SYNE1: variants seen among roughly 807,000 people sequenced by gnomAD.
The protein encoded by SYNE1 is nesprin-1.
SYNE1 carries 616 observed loss-of-function variants against 1,111.0 expected under a neutral mutation model. The ratio of observed to expected loss-of-function variants is 0.55; its 90% CI spans 0.52 to 0.59. The LOEUF (loss-of-function observed/expected upper bound fraction) is 0.59, where lower values mean the gene tolerates loss of function less well. Among genes scored for constraint, SYNE1 ranks in the 20% least tolerant of loss-of-function variants. The pLI is 0.00. For missense variants in SYNE1, 10,006 were observed against 10,417.0 expected (o/e 0.96, Z 1.72); for synonymous variants, 3,855 against 3,825.8 (o/e 1.01, Z -0.28).
chr6:152,482,269 G>A (rs1477207281), intron 14 of SYNE1, among the ~76,000 whole-genome samples: 1 of 152,144 alleles, frequency 6.6e-6, no homozygotes, highest in Non-Finnish European at 1.5e-5. Context: ...AAAATCTGTT[G>A]TAAATTTGCT....
chr6:152,455,441 G>C lies in SYNE1; in HGVS notation c.2877C>G (p.Leu959=), dbSNP rs150845131. ...GLEEKGDPEE[L]LRRHTEFFSQ... ...GTGGACTCACAGTGTGTCTCCGCAG[G>C]AGCTCCTCTGGATCCCCCTTTTCCT... Residue 959 remains leucine, a synonymous_variant, in exon 24 of 146, where the codon CTC becomes CTG. Transcript: ENST00000367255. 4.3e-6 allele frequency: 7 copies of C among 1,613,846 alleles called. No homozygotes were observed. The South Asian group carries it at 7.7e-5, about 18-fold the overall frequency.
chr6:152,388,799 T>C (rs2097562052), intron 53 of SYNE1, among the ~76,000 whole-genome samples: 1 of 152,258 alleles, frequency 6.6e-6, no homozygotes, highest in South Asian at 2.1e-4. Flanking sequence ...GCTGAAATAG[T>C]GGAGTCAAGG....
Position 152,511,020 on chromosome 6 carries a change from T to C in SYNE1, c.393A>G (p.Leu131=), listed in dbSNP as rs139291592. 4.3e-6 allele frequency: 7 copies of C among 1,613,770 alleles called. No individual in the cohort carries two copies. Among genetic ancestry groups the C allele is most frequent in the Middle Eastern group, 1.6e-4 (1 of 6,080 alleles). ...IVLGLMWTII[L]YFQIEELTSN... Reference sequence around the variant, plus strand: ...AACTGTAGCACAATACCTGGAAATATAGAATAATGGTCCACATCAATCCAA... The same window carrying C: ...AACTGTAGCACAATACCTGGAAATACAGAATAATGGTCCACATCAATCCAA... Residue 131 remains leucine, a synonymous_variant, in exon 7 of 146, where the codon CTA becomes CTG. Coordinates refer to ENST00000367255, the MANE Select transcript of SYNE1 (RefSeq NM_182961.4).
At chr6:152,209,492 T>C (rs1048446308) in intron 124 of SYNE1, among the ~76,000 whole-genome samples, 1 of 152,120 alleles carries the variant, frequency 6.6e-6, no homozygotes, top group Non-Finnish European at 1.5e-5. Context: ...ACTCACGTCT[T>C]TAATCCCAGC....
At chr6:152,366,117 G>A (rs918478730) in intron 62 of SYNE1, among the ~76,000 whole-genome samples, 2 of 152,162 alleles carry the variant, frequency 1.3e-5, no homozygotes, top group African/African-American at 4.8e-5. Context: ...CAGGTCACCT[G>A]AGGTCGGGAG....
At position 152,206,288 on chromosome 6, in the gene SYNE1, G is replaced by C. The variant is rs2076494804; in HGVS notation, c.22899C>G (p.Leu7633=). The C allele has an allele frequency of 6.2e-7, 1 of 1,613,930 alleles. No homozygotes were observed. Among genetic ancestry groups the C allele is most frequent in the Admixed American group, 1.7e-5 (1 of 60,012 alleles). Residue 7633 remains leucine (L), a synonymous_variant, in exon 126 of 146, where the codon CTC becomes CTG. Transcript: ENST00000367255. ...LTVEAGKQLL[L]SADSGAEAAL... is the part of the protein sequence containing the mutation. ...CGGCCTCAGCGCCACTGTCCGCCGA[G>C]AGAAGGAGTTGCTTGCCAGCCTCCA...
rs866842047 is a variant in SYNE1, at chr6:152,189,392, C to A, written c.23161G>T (p.Val7721Phe). 8.1e-6 allele frequency: 13 copies of A among 1,613,986 alleles called. No individual in the cohort carries two copies. The African/African-American group carries it at 1.7e-4, about 22-fold the overall frequency. The stretch of plus-strand genomic sequence containing the variant: ...GTCAAGTCATCTGTCCAGCTCCCAA[C>A]TGCATTTTCTAATTCCTAAATAAAA... ...QMRCKELENA[V>F]GSWTDDLTQL... The change falls in exon 128 of 146, where the codon GTT (valine) becomes TTT (phenylalanine). Residue 7721 changes from valine (V) to phenylalanine (F), a missense_variant. Physicochemically the swap from Val to Phe is conservative, Grantham distance 50 (BLOSUM62 -1). Coordinates refer to ENST00000367255, the MANE Select transcript of SYNE1 (RefSeq NM_182961.4).
intron 113 of SYNE1, 72 bp from the exon 114 acceptor site, chr6:152,231,639 TA>T: frequency 2.1e-6 from 3 of 1,453,936 alleles, no homozygotes; most frequent in Non-Finnish European, 1.9e-6. Context: ...TGGAAAGCCT[TA>T]AGTAACCTTA....
In SYNE1 at chr6:152,453,710, C is replaced by T. The variant is rs976394822; in HGVS notation, c.2903G>A (p.Ser968Asn). 3.1e-6 allele frequency: 5 copies of T among 1,614,178 alleles called. No homozygotes were observed. The highest frequency in any genetic ancestry group is 4.2e-6 in the Non-Finnish European group (5 of 1,180,044). Residue 968 changes from serine to asparagine, a missense_variant, in exon 25 of 146, where the codon AGT becomes AAT. By Grantham distance (46) the Ser-to-Asn change is conservative. Coordinates refer to ENST00000367255, the MANE Select transcript of SYNE1 (RefSeq NM_182961.4). ...ELLRRHTEFFSQLDQRVLNAF... is the reference protein window; with the variant it reads ...ELLRRHTEFFNQLDQRVLNAF... ...ATTGAGCACCCTCTGATCCAGCTGACTGAAAAACTCCTGACATGGAAGGGG... is the reference window on the plus strand; with the variant it reads ...ATTGAGCACCCTCTGATCCAGCTGATTGAAAAACTCCTGACATGGAAGGGG...
At chr6:152,157,039 C>G (rs1224896876) in intron 131 of SYNE1, among the ~76,000 whole-genome samples, 1 of 152,150 alleles carries the variant, frequency 6.6e-6, no homozygotes, top group Non-Finnish European at 1.5e-5. Flanking sequence ...GTTGGCCAGG[C>G]TGGTCTTGAA....
intron 3 of SYNE1, among the ~76,000 whole-genome samples, chr6:152,595,596 G>C (rs2099578792): frequency 1.3e-5 from 2 of 152,142 alleles, no homozygotes; most frequent in Non-Finnish European, 2.9e-5. Flanking sequence ...ACTTAAAAAT[G>C]TTGCCACTAG....
At chr6:152,356,845 G>T (rs1331379173) in intron 66 of SYNE1, among the ~76,000 whole-genome samples, 1 of 152,126 alleles carries the variant, frequency 6.6e-6, no homozygotes, top group African/African-American at 2.4e-5. Context: ...CACGAATACC[G>T]GCTTAAGTGA....
chr6:152,230,836 A>G, intron 114 of SYNE1, 134 bp from the exon 115 acceptor site: 1 of 1,027,128 alleles, frequency 9.7e-7, no homozygotes, highest in Non-Finnish European at 1.4e-6. Context: ...TATATGATTT[A>G]AAACAGGGGT....
At chr6:152,530,476 T>G (rs574011989) in intron 4 of SYNE1, among the ~76,000 whole-genome samples, 51 of 151,966 alleles carry the variant, frequency 3.4e-4, no homozygotes, top group African/African-American at 1.1e-3. Context: ...TGGTTTTTTT[T>G]TTTTTTTTTT....
At chr6:152,211,454 A>G in intron 124 of SYNE1, 40 bp downstream of exon 124, 1 of 1,551,696 alleles carries the variant, frequency 6.4e-7, no homozygotes, top group South Asian at 1.1e-5. Flanking sequence ...TGACTAATTT[A>G]CTGGAACCTT....
intron 11 of SYNE1, among the ~76,000 whole-genome samples, chr6:152,495,167 T>C (rs1426318253): frequency 6.6e-6 from 1 of 152,212 alleles, no homozygotes; most frequent in Non-Finnish European, 1.5e-5. Context: ...CCATTTGCTA[T>C]TCTCCCACTC....
At chr6:152,273,714 A>G (rs2093381549) in intron 98 of SYNE1, among the ~76,000 whole-genome samples, 1 of 152,228 alleles carries the variant, frequency 6.6e-6, no homozygotes, top group Non-Finnish European at 1.5e-5. Context: ...AAACTAGAAG[A>G]TCCAGCAATG....
chr6:152,409,505 A>G (rs1365587270), intron 43 of SYNE1, 54 bp downstream of exon 43: 2 of 1,603,346 alleles, frequency 1.2e-6, no homozygotes, highest in Non-Finnish European at 1.7e-6. Flanking sequence ...CTTTATGAGT[A>G]AAAACCAGAT....
intron 3 of SYNE1, among the ~76,000 whole-genome samples, chr6:152,586,634 CTA>C (rs1473352787): frequency 7.0e-6 from 1 of 142,712 alleles, no homozygotes; most frequent in East Asian, 2.2e-4. Context: ...CTGATGCTGG[CTA>C]TATACAAACA....
Sources: gnomAD v4.1 joint callset for allele counts (sites outside exome capture counted in the v4.1 genomes callset) on GRCh38, gnomAD v4.1.1 for gene constraint, MANE v1.5 for transcripts, NCBI Gene and HGNC (gene_info 2026-07-23, HGNC 2026-07-21) for gene names.